Variants in FAM178B observed in about 807,000 individuals in gnomAD.
FAM178B encodes family with sequence similarity 178 member B.
In FAM178B, 82 loss-of-function variants were observed where a neutral mutation model predicts 91.7. The ratio of observed to expected loss-of-function variants is 0.89; its 90% CI spans 0.75 to 1.07. The LOEUF (loss-of-function observed/expected upper bound fraction) is 1.07, where lower values mean the gene tolerates loss of function less well. Among genes scored for constraint, FAM178B ranks in the 50% least tolerant of loss-of-function variants. The pLI is 0.00. For missense variants in FAM178B, 769 were observed against 846.7 expected (o/e 0.91, Z 1.14); for synonymous variants, 368 against 359.4 (o/e 1.02, Z -0.27).
chr2:96,909,787 G>A (rs1176144182), intron 12 of FAM178B, among the ~76,000 whole-genome samples: 3 of 151,962 alleles, frequency 2.0e-5, no homozygotes, highest in South Asian at 2.1e-4. Flanking sequence ...TGGGATCTTC[G>A]GTCTGCTGTC....
At chr2:96,952,197 C>T (rs187265977) in intron 6 of FAM178B, among the ~76,000 whole-genome samples, 5 of 152,276 alleles carry the variant, frequency 3.3e-5, no homozygotes, top group African/African-American at 4.8e-5. Flanking sequence ...ACGAGGCCAG[C>T]GTCTCGCGAT....
rs1214720573 is a variant in FAM178B at position 96,929,331 on chromosome 2, A to G, written c.1079-11T>C. The G allele has an allele frequency of 6.5e-7, 1 of 1,533,330 alleles. No homozygotes were observed. The highest frequency in any genetic ancestry group is 8.8e-7 in the Non-Finnish European group (1 of 1,130,580). The allele number at this position is 1,533,330 out of a possible 1,614,324, so 95.0% of individuals were successfully genotyped here. A position where few individuals can be genotyped will look rare whatever the true frequency, so the allele number is the denominator to read the frequency against. Reference sequence around the variant, plus strand: ...GGTGCTTGTCTTCATCTGTCAGGCCAAAAGGGAGCAGAGAGTTAGAATGGG... The same window carrying G: ...GGTGCTTGTCTTCATCTGTCAGGCCGAAAGGGAGCAGAGAGTTAGAATGGG... On this transcript the variant is annotated splice_polypyrimidine_tract_variant and intron_variant, in intron 8 of 16. Coordinates refer to ENST00000490605, the MANE Select transcript of FAM178B (RefSeq NM_001122646.3).
chr2:96,927,110 G>A (rs1285241886), intron 9 of FAM178B, among the ~76,000 whole-genome samples: 1 of 152,236 alleles, frequency 6.6e-6, no homozygotes, highest in Non-Finnish European at 1.5e-5. Context: ...ATCCATGAAG[G>A]ATGCCATACC....
chr2:96,878,165 G>A, intron 15 of FAM178B, 123 bp from the exon 16 acceptor site: 1 of 1,139,628 alleles, frequency 8.8e-7, no homozygotes, highest in Non-Finnish European at 1.3e-6. Context: ...TTCAGAAGTT[G>A]AGGAGGAAAA....
intron 3 of FAM178B, among the ~76,000 whole-genome samples, chr2:96,971,359 G>C (rs533872269): frequency 4.1e-5 from 6 of 146,810 alleles, no homozygotes; most frequent in South Asian, 2.1e-4. Context: ...CTGTCTGTCT[G>C]TCTCTCTCTC....
chr2:96,880,688 G>A (rs933981565), intron 14 of FAM178B, among the ~76,000 whole-genome samples: 11 of 152,028 alleles, frequency 7.2e-5, no homozygotes, highest in East Asian at 3.9e-4. Context: ...TCTGCCTCCC[G>A]GGCTCACGCC....
intron 12 of FAM178B, among the ~76,000 whole-genome samples, chr2:96,907,172 C>A (rs916306417): frequency 6.6e-6 from 1 of 152,184 alleles, no homozygotes; most frequent in African/African-American, 2.4e-5. Flanking sequence ...CTGCCCACTG[C>A]CTTTCATCCT....
chr2:96,972,721 C>A, intron 1 of FAM178B, 115 bp from the exon 2 acceptor site: 1 of 881,092 alleles, frequency 1.1e-6, no homozygotes, highest in Admixed American at 2.4e-5. Flanking sequence ...AGGGTCCGCC[C>A]TGAGGACTGG....
In FAM178B at chr2:96,967,643, G is replaced by A. The variant is rs1279544477; in HGVS notation, c.627-16C>T. 1.3e-6 allele frequency: 2 copies of A among 1,515,790 alleles called. No homozygotes were observed. Among genetic ancestry groups the A allele is most frequent in the African/African-American group, 1.4e-5 (1 of 72,420 alleles). 93.9% of individuals were successfully genotyped at this position (1,515,790 alleles called of 1,614,324 possible). A position where few individuals can be genotyped will look rare whatever the true frequency, so the allele number is the denominator to read the frequency against. On this transcript the variant is annotated splice_polypyrimidine_tract_variant and intron_variant, in intron 4 of 16. Coordinates refer to ENST00000490605, the MANE Select transcript of FAM178B (RefSeq NM_001122646.3). ...GGCCTGTTCCCTATAGGAAGTCGAG[G>A]GCCAGAGCCGGGGGTCAGTGTTGTT...
In FAM178B at chr2:96,978,096, CTCT is replaced by C. The variant is rs1251095538; in HGVS notation, c.74-5493_74-5491del. ...TCTTCTCCACACTGATGACTCAGTT[CTCT>C]TCTTTCCTCACCTTAGTGCACGGAA... On this transcript the variant is annotated intron_variant, in intron 1 of 16. Coordinates refer to ENST00000490605, the MANE Select transcript of FAM178B (RefSeq NM_001122646.3). Among the ~76,000 whole-genome samples the C allele has an allele frequency of 2.0e-5, 3 of 152,202 alleles. No homozygotes were observed. In the East Asian group the frequency reaches 5.8e-4, roughly 29 times the overall value.
At chr2:96,944,349 C>T (rs1317901875) in intron 8 of FAM178B, among the ~76,000 whole-genome samples, 1 of 151,686 alleles carries the variant, frequency 6.6e-6, no homozygotes, top group East Asian at 1.9e-4. Flanking sequence ...CCGTGATGTT[C>T]AAAGGGCACT....
At chr2:96,881,915 C>G (rs920142543) in intron 14 of FAM178B, among the ~76,000 whole-genome samples, 1 of 152,174 alleles carries the variant, frequency 6.6e-6, no homozygotes, top group African/African-American at 2.4e-5. Flanking sequence ...GGGTGCATGT[C>G]TTCCTTGCAT....
intron 8 of FAM178B, among the ~76,000 whole-genome samples, chr2:96,946,383 T>A (rs1190340333): frequency 6.6e-6 from 1 of 152,322 alleles, no homozygotes; most frequent in Non-Finnish European, 1.5e-5. Context: ...GGTACGCAAC[T>A]ATCTGCTCAA....
At chr2:96,980,673 A>G (rs2082349499) in intron 1 of FAM178B, among the ~76,000 whole-genome samples, 1 of 152,126 alleles carries the variant, frequency 6.6e-6, no homozygotes, top group Non-Finnish European at 1.5e-5. Flanking sequence ...AAAGTGCTGG[A>G]ACTACAGGCA....
At chr2:96,955,582 A>G (rs1399640366) in intron 6 of FAM178B, among the ~76,000 whole-genome samples, 1 of 152,202 alleles carries the variant, frequency 6.6e-6, no homozygotes, top group Non-Finnish European at 1.5e-5. Flanking sequence ...CAGGAGGCTG[A>G]GGCAGGAGAA....
chr2:96,943,528 G>T (rs1288460658), intron 8 of FAM178B, among the ~76,000 whole-genome samples: 1 of 152,184 alleles, frequency 6.6e-6, no homozygotes, highest in Non-Finnish European at 1.5e-5. Context: ...TCTGGAAGTA[G>T]ACAGTGGTGA....
intron 6 of FAM178B, among the ~76,000 whole-genome samples, chr2:96,957,184 G>A (rs1437781234): frequency 1.3e-5 from 2 of 152,108 alleles, no homozygotes; most frequent in African/African-American, 4.8e-5. Flanking sequence ...CTTGTCACCC[G>A]CCTCCATGGC....
At chr2:96,886,146 T>A (rs2080514455) in intron 14 of FAM178B, among the ~76,000 whole-genome samples, 1 of 152,184 alleles carries the variant, frequency 6.6e-6, no homozygotes, top group Non-Finnish European at 1.5e-5. Flanking sequence ...GCTGCACACG[T>A]CCAGGGATCC....
chr2:96,972,628 G>T (rs1487127385), intron 1 of FAM178B, 22 bp from the exon 2 acceptor site: 4 of 1,549,090 alleles, frequency 2.6e-6, no homozygotes, highest in Non-Finnish European at 3.5e-6. Flanking sequence ...CGCCTGTGAG[G>T]GCAGGTGAAC....
Sources: gnomAD v4.1 joint callset for allele counts (sites outside exome capture counted in the v4.1 genomes callset) on GRCh38, gnomAD v4.1.1 for gene constraint, MANE v1.5 for transcripts, NCBI Gene and HGNC (gene_info 2026-07-23, HGNC 2026-07-21) for gene names.